The following AFAP1 variants were observed in gnomAD, a reference collection of about 807,000 sequenced individuals.
The protein encoded by AFAP1 is actin filament associated protein 1.
Under a neutral mutation model 93.9 loss-of-function variants are expected in AFAP1, and 75 were observed. That is an observed-to-expected ratio of 0.80 (90% CI 0.66 to 0.97). The LOEUF (loss-of-function observed/expected upper bound fraction) is 0.97. Ranked by LOEUF, AFAP1 falls within the 50% of genes least tolerant of loss-of-function variation. AFAP1 has a pLI of 0.00. For synonymous variants in AFAP1, 517 were observed against 430.7 expected (o/e 1.20, Z -2.48); for missense variants, 1,201 against 1,050.8 (o/e 1.14, Z -1.98).
At chr4:7,839,418 A>G (rs1281888752) in intron 5 of AFAP1, among the ~76,000 whole-genome samples, 1 of 151,958 alleles carries the variant, frequency 6.6e-6, no homozygotes, top group Non-Finnish European at 1.5e-5. Flanking sequence ...AAATGTATAT[A>G]TAAAATACAT....
rs149788534 is a variant in AFAP1 at position 7,782,060 on chromosome 4, G to A, written c.1531-433C>T. 8.4e-3 allele frequency among the ~76,000 whole-genome samples: 1,287 copies of A among 152,310 alleles called. 16 individuals carry two copies. Among genetic ancestry groups the A allele is most frequent in the Middle Eastern group, 0.02 (6 of 294 alleles). On this transcript the variant is annotated intron_variant, in intron 12 of 17. Coordinates refer to ENST00000420658, the MANE Select transcript of AFAP1 (RefSeq NM_001134647.2). Reference sequence around the variant, plus strand: ...AGGGGAGGAATGAGCATGGGACCAGGGGCCTGGTGCTCTGGGTCTACATAA... The same window carrying A: ...AGGGGAGGAATGAGCATGGGACCAGAGGCCTGGTGCTCTGGGTCTACATAA...
At chr4:7,923,720 C>A (rs559450181) in intron 1 of AFAP1, among the ~76,000 whole-genome samples, 1 of 152,304 alleles carries the variant, frequency 6.6e-6, no homozygotes, top group East Asian at 1.9e-4. Flanking sequence ...CCATCTCGGC[C>A]TCCCAAAGTG....
chr4:7,899,244 T>C (rs568073296), intron 1 of AFAP1, among the ~76,000 whole-genome samples: 1 of 152,164 alleles, frequency 6.6e-6, no homozygotes, highest in Admixed American at 6.5e-5. Flanking sequence ...CCCACTGATA[T>C]CCTCACAAAC....
intron 10 of AFAP1, among the ~76,000 whole-genome samples, chr4:7,796,157 C>G (rs763961606): frequency 6.6e-6 from 1 of 152,146 alleles, no homozygotes; most frequent in Non-Finnish European, 1.5e-5. Flanking sequence ...GTGAGCACAT[C>G]TGGCCCCCAG....
rs1213399785 is a variant in AFAP1, at chr4:7,759,323, A to G, written c.*4442T>C. The G allele has an allele frequency of 6.6e-6, 1 of 152,660 alleles. No individual in the cohort carries two copies. The highest frequency in any genetic ancestry group is 1.5e-5 in the Non-Finnish European group (1 of 68,044). The allele number at this position is 152,660 out of a possible 1,614,324, so 9.5% of individuals were successfully genotyped here. A position where few individuals can be genotyped will look rare whatever the true frequency, so the allele number is the denominator to read the frequency against. On this transcript the variant is annotated 3_prime_UTR_variant, in exon 18 of 18. Transcript: ENST00000420658. ...CGGTGAAGTTGAGATTTTCTGGAAG[A>G]CCAAAGCCGGAACTATTTCATGAAC...
chr4:7,871,836 A>G, intron 2 of AFAP1, 116 bp downstream of exon 2: 1 of 1,385,820 alleles, frequency 7.2e-7, no homozygotes, highest in South Asian at 1.5e-5. Flanking sequence ...TGATGAATAA[A>G]TAAGCTTGTA....
chr4:7,775,104 G>A, intron 14 of AFAP1: 2 of 595,704 alleles, frequency 3.4e-6, no homozygotes, highest in South Asian at 2.5e-5. Context: ...TCCTGCCACT[G>A]TGCTCCAGCC....
chr4:7,847,798 T>TGGGGGGG (rs752684366), intron 4 of AFAP1, among the ~76,000 whole-genome samples: 3 of 142,628 alleles, frequency 2.1e-5, no homozygotes, highest in African/African-American at 8.5e-5. Flanking sequence ...GTACTCGGGG[T>TGGGGGGG]GGGGCATTGA....
chr4:7,820,694 C>A (rs563979166), intron 6 of AFAP1, among the ~76,000 whole-genome samples: 2 of 152,194 alleles, frequency 1.3e-5, no homozygotes, highest in East Asian at 3.9e-4. Context: ...AAGGCGTTTC[C>A]AAAGTGTTCC....
intron 9 of AFAP1, 22 bp from the exon 10 acceptor site, chr4:7,800,675 G>C (rs377558362): frequency 6.2e-7 from 1 of 1,613,870 alleles, no homozygotes; most frequent in Non-Finnish European, 8.5e-7. Context: ...CAAGGCCACA[G>C]GTCAGCCGCC....
At chr4:7,796,293 AAAGT>A (rs1414854717) in intron 10 of AFAP1, among the ~76,000 whole-genome samples, 1 of 152,228 alleles carries the variant, frequency 6.6e-6, no homozygotes, top group Non-Finnish European at 1.5e-5. Flanking sequence ...CTTGTGCCAC[AAAGT>A]AAGGAAAGTG....
intron 1 of AFAP1, among the ~76,000 whole-genome samples, chr4:7,888,718 G>A (rs1202690936): frequency 6.6e-6 from 1 of 152,124 alleles, no homozygotes; most frequent in East Asian, 1.9e-4. Flanking sequence ...TCAGAAAAAA[G>A]ACATTACAAG....
chr4:7,902,281 C>T (rs1015179845), intron 1 of AFAP1, among the ~76,000 whole-genome samples: 7 of 152,258 alleles, frequency 4.6e-5, no homozygotes, highest in Admixed American at 1.3e-4. Flanking sequence ...AGCATCTGAA[C>T]GCTTATCCCA....
chr4:7,804,666 G>C (rs1719348075), intron 9 of AFAP1, among the ~76,000 whole-genome samples: 1 of 152,176 alleles, frequency 6.6e-6, no homozygotes, highest in African/African-American at 2.4e-5. Context: ...TTTTAGAAGA[G>C]TGGCCACGTT....
intron 1 of AFAP1, among the ~76,000 whole-genome samples, chr4:7,901,358 C>G (rs148385941): frequency 6.6e-6 from 1 of 152,184 alleles, no homozygotes; most frequent in Non-Finnish European, 1.5e-5. Flanking sequence ...TACTTTCCAC[C>G]GAAGATTAAA....
chr4:7,828,440 AAG>A (rs1358151173), intron 6 of AFAP1, among the ~76,000 whole-genome samples: 2 of 152,186 alleles, frequency 1.3e-5, no homozygotes, highest in Non-Finnish European at 2.9e-5. Context: ...CAGACACAGG[AAG>A]AGTCTGTCTC....
chr4:7,834,513 T>A (rs1041568534), intron 6 of AFAP1, among the ~76,000 whole-genome samples: 1 of 152,224 alleles, frequency 6.6e-6, no homozygotes, highest in Non-Finnish European at 1.5e-5. Flanking sequence ...TATGGAAATT[T>A]AAAAAAAATT....
At chr4:7,871,118 C>T (rs539770100) in intron 2 of AFAP1, among the ~76,000 whole-genome samples, 80 of 152,302 alleles carry the variant, frequency 5.3e-4, no homozygotes, top group African/African-American at 1.9e-3. Flanking sequence ...GGCTCTGATG[C>T]TCTCCACAGC....
At chr4:7,931,042 G>A (rs1357236132) in intron 1 of AFAP1, among the ~76,000 whole-genome samples, 2 of 152,190 alleles carry the variant, frequency 1.3e-5, no homozygotes, top group Non-Finnish European at 2.9e-5. Context: ...GAGCTACCGT[G>A]CCTGGCCTCA....
Sources: gnomAD v4.1 joint callset for allele counts (sites outside exome capture counted in the v4.1 genomes callset) on GRCh38, gnomAD v4.1.1 for gene constraint, MANE v1.5 for transcripts, NCBI Gene and HGNC (gene_info 2026-07-23, HGNC 2026-07-21) for gene names.